ZNF592: variants seen among roughly 807,000 people sequenced by gnomAD.
The protein encoded by ZNF592 is zinc finger protein 592.
Under a neutral mutation model 80.3 loss-of-function variants are expected in ZNF592, and 11 were observed. That is an observed-to-expected ratio of 0.14 (90% CI 0.09 to 0.23). The LOEUF (loss-of-function observed/expected upper bound fraction) is 0.23. Among genes scored for constraint, ZNF592 ranks in the 10% least tolerant of loss-of-function variants. The pLI, the probability that ZNF592 is intolerant of heterozygous loss-of-function variation, is 1.00. For missense variants in ZNF592, 1,420 were observed against 1,633.9 expected, an observed-to-expected ratio of 0.87 and a Z score of 2.26; for synonymous variants, 646 against 640.3, an observed-to-expected ratio of 1.01 and a Z score of -0.13.
chr15:84,784,652 C>T lies in ZNF592; in HGVS notation c.1977C>T (p.Asp659=), dbSNP rs371944203. 1.7e-5 allele frequency: 28 copies of T among 1,614,042 alleles called. No individual in the cohort carries two copies. Among genetic ancestry groups the T allele is most frequent in the Non-Finnish European group, 2.4e-5 (28 of 1,180,058 alleles). The part of the protein sequence containing the change: ...SQLLVKPISA[D]QMFVSAPVNS... Reference sequence around the variant, plus strand: ...TGCTGGTGAAGCCTATCTCTGCGGACCAAATGTTCGTGTCGGCCCCTGTGA... The same window carrying T: ...TGCTGGTGAAGCCTATCTCTGCGGATCAAATGTTCGTGTCGGCCCCTGTGA... The change falls in exon 4 of 11, where the codon GAC becomes GAT. Residue 659 remains aspartate (D), a synonymous_variant. Coordinates refer to ENST00000560079, the MANE Select transcript of ZNF592 (RefSeq NM_014630.3). This position sits in a 1 kb window ranked among gnomAD's most constrained non-coding sequence, Gnocchi z 5.8.
chr15:84,788,410 TC>T (rs1962648498), intron 4 of ZNF592, among the ~76,000 whole-genome samples: 1 of 152,238 alleles, frequency 6.6e-6, no homozygotes, highest in East Asian at 1.9e-4. Context: ...ATTTTTTGCT[TC>T]CGTGAGGGCT....
rs1963035869 is a variant in ZNF592, at chr15:84,799,692, T to G, written c.3138-150T>G. ...ACGTGCTATTGTCTGCTACCTTGGCTGGCCTGCTGGCTGGATCTCTCTGGG... is the reference window on the plus strand; with the variant it reads ...ACGTGCTATTGTCTGCTACCTTGGCGGGCCTGCTGGCTGGATCTCTCTGGG... On this transcript the variant is annotated intron_variant, in intron 9 of 10. Coordinates refer to ENST00000560079, the MANE Select transcript of ZNF592 (RefSeq NM_014630.3). The surrounding 1 kb of genome is among the most constrained non-coding windows in gnomAD (Gnocchi z 4.2). 2 of 1,164,362 alleles carry G rather than the reference T, an allele frequency of 1.7e-6. No individual in the cohort carries two copies. Among genetic ancestry groups the G allele is most frequent in the Non-Finnish European group, 1.3e-6 (1 of 791,766 alleles). The allele number at this position is 1,164,362 out of a possible 1,614,324, so 72.1% of individuals were successfully genotyped here.
intron 4 of ZNF592, among the ~76,000 whole-genome samples, chr15:84,790,208 A>G (rs1452110538): frequency 6.6e-6 from 1 of 151,762 alleles, no homozygotes; most frequent in South Asian, 2.1e-4. Flanking sequence ...TCTGAGTACC[A>G]ATCAGGGTGG....
Position 84,784,394 on chromosome 15 carries a change from C to T in ZNF592, c.1719C>T (p.Ser573=), listed in dbSNP as rs746814291. The change falls in exon 4 of 11, where the codon AGC becomes AGT. Residue 573 remains serine (S), a synonymous_variant. Coordinates refer to ENST00000560079, the MANE Select transcript of ZNF592 (RefSeq NM_014630.3). This position sits in a 1 kb window ranked among gnomAD's most constrained non-coding sequence, Gnocchi z 5.8. ...TGCCCCTCTATGCGCCAAATCTCAG[C>T]CCGCCTGCGGACAGCAGGATCCACG... ...NPVPLYAPNL[S]PPADSRIHVP... 4 of 1,614,216 alleles carry T rather than the reference C, an allele frequency of 2.5e-6. No individual in the cohort carries two copies. The highest frequency in any genetic ancestry group is 1.7e-5 in the Admixed American group (1 of 60,028).
intron 3 of ZNF592, among the ~76,000 whole-genome samples, chr15:84,779,372 C>T (rs1248330672): frequency 6.6e-6 from 1 of 152,160 alleles, no homozygotes; most frequent in Non-Finnish European, 1.5e-5. Flanking sequence ...CATGTAGGTA[C>T]ATGGTAGAGT....
chr15:84,782,617 C>T (rs550844516), intron 3 of ZNF592, 40 bp from the exon 4 acceptor site: 3 of 1,594,890 alleles, frequency 1.9e-6, no homozygotes, highest in South Asian at 2.2e-5. Flanking sequence ...TCCAGTGGGA[C>T]CCTGGTGGTC....
chr15:84,782,818 T>C lies in ZNF592; in HGVS notation c.143T>C (p.Met48Thr), dbSNP rs1371416043. 3 of 1,614,002 alleles carry C rather than the reference T, an allele frequency of 1.9e-6. No individual in the cohort carries two copies. The African/African-American group carries it at 4.0e-5, about 22-fold the overall frequency. ...CCCCTCAAACCTCCAGGCATATGTA[T>C]GGATGAAAGTGTGTCCTTGTCTCAC... ...ESPLKPPGIC[M>T]DESVSLSHSG... is the part of the protein sequence containing the mutation. Residue 48 changes from methionine to threonine, a missense_variant, in exon 4 of 11, where the codon ATG (methionine) becomes ACG (threonine). Physicochemically the swap from Met to Thr is moderately conservative, Grantham distance 81. Coordinates refer to ENST00000560079, the MANE Select transcript of ZNF592 (RefSeq NM_014630.3).
At chr15:84,786,660 C>T (rs974084985) in intron 4 of ZNF592, among the ~76,000 whole-genome samples, 3 of 152,002 alleles carry the variant, frequency 2.0e-5, no homozygotes. Context: ...TCTTCTGATG[C>T]GTCAGATGGG....
Position 84,783,155 on chromosome 15 carries a change from A to G in ZNF592, c.480A>G (p.Ile160Met). 1 of 1,614,210 alleles carries G rather than the reference A, an allele frequency of 6.2e-7. No individual in the cohort carries two copies. Among genetic ancestry groups the G allele is most frequent in the Non-Finnish European group, 8.5e-7 (1 of 1,180,052 alleles). The change falls in exon 4 of 11, where the codon ATA becomes ATG. Residue 160 changes from isoleucine to methionine, a missense_variant. Physicochemically the swap from Ile to Met is conservative, Grantham distance 10. Coordinates refer to ENST00000560079, the MANE Select transcript of ZNF592 (RefSeq NM_014630.3). This position sits in a 1 kb window ranked among gnomAD's most constrained non-coding sequence, Gnocchi z 5.0. ...EDPIKDNGFG[I>M]KPKHSDSYFP... Reference sequence around the variant, plus strand: ...CCATCAAAGATAACGGATTTGGGATAAAGCCCAAACACTCTGACAGTTATT... The same window carrying G: ...CCATCAAAGATAACGGATTTGGGATGAAGCCCAAACACTCTGACAGTTATT...
chr15:84,799,842 G>A lies in ZNF592; in HGVS notation c.3138G>A (p.Gly1046=). ...HDTVKKFYTC[G]YCTEDSPSFP... ...TGACCTCTCCGCTGTGCTTCTGCAG[G>A]TACTGCACAGAGGACAGCCCCAGCT... Residue 1046 remains glycine, a splice_region_variant and synonymous_variant, in exon 10 of 11, where the codon GGG becomes GGA. Transcript: ENST00000560079. The surrounding 1 kb of genome is among the most constrained non-coding windows in gnomAD (Gnocchi z 4.2). 6.2e-7 allele frequency: 1 copy of A among 1,614,066 alleles called. No individual in the cohort carries two copies. The highest frequency in any genetic ancestry group is 8.5e-7 in the Non-Finnish European group (1 of 1,180,030).
At chr15:84,777,844 C>T (rs976651221) in intron 2 of ZNF592, among the ~76,000 whole-genome samples, 4 of 151,772 alleles carry the variant, frequency 2.6e-5, no homozygotes, top group African/African-American at 4.8e-5. Flanking sequence ...GGACTATAGG[C>T]GCCCACCACC....
rs570146957 is a variant in ZNF592 at position 84,793,800 on chromosome 15, G to A, written c.2399+2917G>A. Among the ~76,000 whole-genome samples, 5 of 152,230 alleles carry A rather than the reference G, an allele frequency of 3.3e-5. No homozygotes were observed. In the South Asian group the frequency reaches 1.0e-3, roughly 32 times the overall value. On this transcript the variant is annotated intron_variant, in intron 5 of 10. Coordinates refer to ENST00000560079, the MANE Select transcript of ZNF592 (RefSeq NM_014630.3). Reference sequence around the variant, plus strand: ...GTAATATTATTAGCATATTTGCAAGGTTCATCCATGTTGTAGCATATATCA... The same window carrying A: ...GTAATATTATTAGCATATTTGCAAGATTCATCCATGTTGTAGCATATATCA...
At chr15:84,755,792 A>G (rs531684985) in intron 1 of ZNF592, among the ~76,000 whole-genome samples, 66 of 152,300 alleles carry the variant, frequency 4.3e-4, no homozygotes, top group African/African-American at 1.5e-3. Context: ...GAGATGTATG[A>G]TGTTGGAGTT....
Position 84,802,492 on chromosome 15 carries a change from G to A in ZNF592, c.*99G>A. 2 of 1,411,626 alleles carry A rather than the reference G, an allele frequency of 1.4e-6. No homozygotes were observed. The highest frequency in any genetic ancestry group is 2.0e-6 in the Non-Finnish European group (2 of 1,023,022). 87.4% of individuals were successfully genotyped at this position (1,411,626 alleles called of 1,614,324 possible). On this transcript the variant is annotated 3_prime_UTR_variant, in exon 11 of 11. Coordinates refer to ENST00000560079, the MANE Select transcript of ZNF592 (RefSeq NM_014630.3). ...ATAAAAGGCTCTGCCCCCAGTGTGA[G>A]TGTGACCGGTTGTACCCTGGAGTAG...
At chr15:84,763,167 A>G (rs1325662112) in intron 1 of ZNF592, among the ~76,000 whole-genome samples, 1 of 152,178 alleles carries the variant, frequency 6.6e-6, no homozygotes, top group Admixed American at 6.5e-5. Context: ...CAGGAGCCTG[A>G]GTGCCAGTCT....
Position 84,769,831 on chromosome 15 carries a change from T to G in ZNF592, c.-150+5016T>G, listed in dbSNP as rs533818772. 6.6e-5 allele frequency among the ~76,000 whole-genome samples: 10 copies of G among 152,290 alleles called. No individual in the cohort carries two copies. The South Asian group carries it at 2.1e-3, about 32-fold the overall frequency. On this transcript the variant is annotated intron_variant, in intron 2 of 10. Transcript: ENST00000560079. Reference sequence around the variant, plus strand: ...CTAGGCTGGAGTGCAGTGGCTATCCTCAGGTGCATTCCTGGCTCACTGCAG... The same window carrying G: ...CTAGGCTGGAGTGCAGTGGCTATCCGCAGGTGCATTCCTGGCTCACTGCAG...
At chr15:84,759,008 A>G (rs948803753) in intron 1 of ZNF592, among the ~76,000 whole-genome samples, 1 of 152,198 alleles carries the variant, frequency 6.6e-6, no homozygotes, top group Non-Finnish European at 1.5e-5. Flanking sequence ...TACAGTAGAT[A>G]CCTACCTTAA....
At position 84,783,214 on chromosome 15, in the gene ZNF592, G is replaced by A; in HGVS notation, c.539G>A (p.Gly180Asp). The change falls in exon 4 of 11, where the codon GGC becomes GAC. Residue 180 changes from glycine (G) to aspartate (D), a missense_variant. Physicochemically the swap from Gly to Asp is moderately conservative, Grantham distance 94. Around this residue, in one of 7 missense-constraint regions of ZNF592, gnomAD observed 373 missense variants for 355.5 expected, o/e 1.05. Transcript: ENST00000560079. The surrounding 1 kb of genome is among the most constrained non-coding windows in gnomAD (Gnocchi z 5.0). ...CCTCTTGGGTGCGGGGCTGTGGGAG[G>A]CCCAGTCCTGGAGGCTCTGGCTAAG... ...PPPLGCGAVG[G>D]PVLEALAKFP... The A allele has an allele frequency of 6.2e-7, 1 of 1,614,208 alleles. No homozygotes were observed. Among genetic ancestry groups the A allele is most frequent in the Non-Finnish European group, 8.5e-7 (1 of 1,180,038 alleles).
chr15:84,759,305 A>G (rs1899273812), intron 1 of ZNF592, among the ~76,000 whole-genome samples: 1 of 152,326 alleles, frequency 6.6e-6, no homozygotes, highest in Middle Eastern at 3.4e-3. Context: ...TTATTGGCAC[A>G]CAGGTCACCC....
Sources: allele counts gnomAD v4.1 joint callset (sites outside exome capture counted in the v4.1 genomes callset), GRCh38; gene constraint gnomAD v4.1.1; regional missense constraint gnomAD v4.1.1; non-coding constraint Gnocchi (gnomAD v3.1); transcripts MANE v1.5; gene names NCBI Gene and HGNC (gene_info 2026-07-23, HGNC 2026-07-21).